Variants in INPP5A observed in about 807,000 individuals in gnomAD.
The protein encoded by INPP5A is 43 kDa inositol polyphosphate 5-phophatase.
Under a neutral mutation model 65.2 loss-of-function variants are expected in INPP5A, and 14 were observed. That is an observed-to-expected ratio of 0.21 (90% CI 0.14 to 0.34). INPP5A has a LOEUF of 0.34. Ranked by LOEUF, INPP5A falls within the 10% of genes least tolerant of loss-of-function variation. The pLI is 1.00. For missense variants in INPP5A, 431 were observed against 545.6 expected, an observed-to-expected ratio of 0.79 and a Z score of 2.09; for synonymous variants, 207 against 208.3, an observed-to-expected ratio of 0.99 and a Z score of 0.05.
intron 2 of INPP5A, among the ~76,000 whole-genome samples, chr10:132,629,789 CA>C (rs2072240614): frequency 6.6e-6 from 1 of 152,100 alleles, no homozygotes; most frequent in African/African-American, 2.4e-5. Context: ...GGAAGGCATC[CA>C]TGAGGGAGGG....
At chr10:132,770,918 G>T (rs918858004) in intron 12 of INPP5A, among the ~76,000 whole-genome samples, 6 of 152,180 alleles carry the variant, frequency 3.9e-5, no homozygotes, top group African/African-American at 9.7e-5. Flanking sequence ...GGGTCTCTGT[G>T]GTGGGGACGC....
Position 132,780,918 on chromosome 10 carries a change from G to T in INPP5A, c.1158+1G>T. The stretch of plus-strand genomic sequence containing the variant: ...CAACGTCTGCATGGGAGACCACAAG[G>T]TGACATAGACTGAGGTCCAGGGGCC... On this transcript the variant is annotated splice_donor_variant, in intron 14 of 15. Coordinates refer to ENST00000368594, the MANE Select transcript of INPP5A (RefSeq NM_005539.5). LOFTEE classifies it high-confidence loss of function. The T allele has an allele frequency of 6.3e-7, 1 of 1,583,026 alleles. No homozygotes were observed. The highest frequency in any genetic ancestry group is 8.6e-7 in the Non-Finnish European group (1 of 1,160,962).
chr10:132,685,085 G>T (rs77442982), intron 4 of INPP5A, among the ~76,000 whole-genome samples: 1 of 152,060 alleles, frequency 6.6e-6, no homozygotes, highest in East Asian at 1.9e-4. Context: ...AGGTGAAAAC[G>T]CTTTATCTGT....
In INPP5A at chr10:132,712,758, CTGTG is replaced by C. The variant is rs547273991; in HGVS notation, c.647+2304_647+2307del. Among the ~76,000 whole-genome samples, 285 of 137,216 alleles carry C rather than the reference CTGTG, an allele frequency of 2.1e-3. 4 individuals are homozygous for C. The highest frequency in any genetic ancestry group is 7.4e-3 in the African/African-American group (270 of 36,262). The allele number at this position is 137,216 out of a possible 152,430, so 90.0% of individuals were successfully genotyped here. The stretch of plus-strand genomic sequence containing the variant: ...TAGGTGTGTGTGTAGGTGCATGTGT[CTGTG>C]TATTTGGGTGTGTGCATGTGTGCAG... On this transcript the variant is annotated intron_variant, in intron 8 of 15. Transcript: ENST00000368594.
chr10:132,611,892 C>T (rs1185634599), intron 2 of INPP5A, among the ~76,000 whole-genome samples: 2 of 135,398 alleles, frequency 1.5e-5, no homozygotes, highest in Non-Finnish European at 3.1e-5. Context: ...GGGGAGAGGC[C>T]CCATCAGAGG....
chr10:132,582,678 C>G (rs988381763), intron 1 of INPP5A, among the ~76,000 whole-genome samples: 1 of 152,222 alleles, frequency 6.6e-6, no homozygotes, highest in Admixed American at 6.5e-5. Context: ...GCATCGAACT[C>G]CCAAAGTGCT....
chr10:132,703,305 C>T (rs1195805021), intron 6 of INPP5A, among the ~76,000 whole-genome samples: 1 of 152,104 alleles, frequency 6.6e-6, no homozygotes, highest in East Asian at 1.9e-4. Context: ...GCCCGCGGTG[C>T]CTGTCTTCCC....
chr10:132,543,888 G>A (rs1473496654), intron 1 of INPP5A, among the ~76,000 whole-genome samples: 2 of 152,238 alleles, frequency 1.3e-5, no homozygotes, highest in South Asian at 2.1e-4. Flanking sequence ...GTGGATGTTT[G>A]GGCTGTTCCC....
At chr10:132,666,618 A>G (rs1171634873) in intron 4 of INPP5A, among the ~76,000 whole-genome samples, 1 of 152,188 alleles carries the variant, frequency 6.6e-6, no homozygotes, top group African/African-American at 2.4e-5. Context: ...AGCATCTGGA[A>G]TTGTCTGGGA....
intron 4 of INPP5A, among the ~76,000 whole-genome samples, chr10:132,671,881 C>A (rs1355930929): frequency 6.6e-6 from 1 of 152,218 alleles, no homozygotes; most frequent in Non-Finnish European, 1.5e-5. Flanking sequence ...CCTGTACTCT[C>A]AACCAGCCTG....
In INPP5A at chr10:132,597,822, C is replaced by A. The variant is rs375858832; in HGVS notation, c.76-10093C>A. ...TGTGCTACGCGTAGTGACCCTGGGC[C>A]TGTGGTGCGTGTTCCGGGGCTGTGC... On this transcript the variant is annotated intron_variant, in intron 1 of 15. Coordinates refer to ENST00000368594, the MANE Select transcript of INPP5A (RefSeq NM_005539.5). 7.0e-5 allele frequency among the ~76,000 whole-genome samples: 10 copies of A among 141,940 alleles called. No homozygotes were observed. The South Asian group carries it at 1.3e-3, about 19-fold the overall frequency. The allele number at this position is 141,940 out of a possible 152,430, so 93.1% of individuals were successfully genotyped here.
intron 6 of INPP5A, among the ~76,000 whole-genome samples, chr10:132,701,454 A>AC (rs1050718516): frequency 2.0e-5 from 3 of 151,998 alleles, no homozygotes; most frequent in Non-Finnish European, 4.4e-5. Flanking sequence ...GATGGAGGAG[A>AC]CCCCCAGCCC....
At chr10:132,709,485 G>A (rs1002943232) in intron 7 of INPP5A, among the ~76,000 whole-genome samples, 3 of 152,088 alleles carry the variant, frequency 2.0e-5, no homozygotes, top group African/African-American at 7.2e-5. Context: ...CCCACCCCAG[G>A]CAGTGCAGGC....
rs1845996332 is a variant in INPP5A, at chr10:132,726,930, C to G, written c.732+25C>G. Reference sequence around the variant, plus strand: ...GGTAGGCGCTGGCTTCCCTCCCGCCCTGGTCTCATGCCTTGCTCTGTGTTG... The same window carrying G: ...GGTAGGCGCTGGCTTCCCTCCCGCCGTGGTCTCATGCCTTGCTCTGTGTTG... On this transcript the variant is annotated intron_variant, in intron 9 of 15. Coordinates refer to ENST00000368594, the MANE Select transcript of INPP5A (RefSeq NM_005539.5). 5.2e-6 allele frequency: 8 copies of G among 1,549,310 alleles called. No homozygotes were observed. In the East Asian group the frequency reaches 1.8e-4, roughly 35 times the overall value.
At chr10:132,602,562 T>G (rs773469015) in intron 1 of INPP5A, among the ~76,000 whole-genome samples, 2 of 152,248 alleles carry the variant, frequency 1.3e-5, no homozygotes, top group African/African-American at 2.4e-5. Context: ...CCCAAAGTGC[T>G]GGGATTGCAG....
At chr10:132,752,436 TGTGGAGGGGGCTGTGGC>T (rs1286205178) in intron 11 of INPP5A, among the ~76,000 whole-genome samples, 10 of 39,712 alleles carry the variant, frequency 2.5e-4, no homozygotes, top group Non-Finnish European at 5.0e-4. Flanking sequence ...GGGCGTGTGA[TGTGGAGGGGGCTGTGGC>T]GTGGAGGGGG....
intron 1 of INPP5A, among the ~76,000 whole-genome samples, chr10:132,588,590 G>A (rs1035118323): frequency 1.3e-5 from 2 of 152,240 alleles, no homozygotes; most frequent in African/African-American, 4.8e-5. Context: ...CACGGCCCTG[G>A]GTTCCCACCC....
intron 1 of INPP5A, among the ~76,000 whole-genome samples, chr10:132,574,908 T>G (rs2071396688): frequency 6.6e-6 from 1 of 152,152 alleles, no homozygotes; most frequent in South Asian, 2.1e-4. Context: ...TTGTCCTTGT[T>G]GCTGGGCCTT....
intron 2 of INPP5A, among the ~76,000 whole-genome samples, chr10:132,617,290 A>C (rs1220485741): frequency 6.6e-6 from 1 of 152,160 alleles, no homozygotes; most frequent in Admixed American, 6.5e-5. Context: ...GCTCCTGTGC[A>C]GTGTGGCTTG....
Sources: allele counts gnomAD v4.1 joint callset (sites outside exome capture counted in the v4.1 genomes callset), GRCh38; gene constraint gnomAD v4.1.1; transcripts MANE v1.5; gene names NCBI Gene and HGNC (gene_info 2026-07-23, HGNC 2026-07-21).